The following TMEM161B variants were observed in gnomAD, a reference collection of about 807,000 sequenced individuals.
The protein encoded by TMEM161B is transmembrane protein 161B.
A neutral mutation model predicts 61.8 loss-of-function variants in TMEM161B; 34 were observed. The ratio of observed to expected loss-of-function variants is 0.55; its 90% CI spans 0.42 to 0.73. The LOEUF (loss-of-function observed/expected upper bound fraction) is 0.73, where lower values mean the gene tolerates loss of function less well. TMEM161B is among the 30% of genes least tolerant of loss of function. The pLI is 0.00. For missense variants in TMEM161B, 456 were observed against 558.5 expected, an observed-to-expected ratio of 0.82 and a Z score of 1.85; for synonymous variants, 167 against 192.8, an observed-to-expected ratio of 0.87 and a Z score of 1.11.
intron 2 of TMEM161B, among the ~76,000 whole-genome samples, chr5:88,235,380 A>C (rs1205536385): frequency 6.6e-6 from 1 of 152,212 alleles, no homozygotes; most frequent in Non-Finnish European, 1.5e-5. Flanking sequence ...ACTGCTATAG[A>C]CTGAATGTTT....
At chr5:88,234,521 T>C (rs1371323230) in intron 2 of TMEM161B, among the ~76,000 whole-genome samples, 1 of 152,194 alleles carries the variant, frequency 6.6e-6, no homozygotes, top group African/African-American at 2.4e-5. Flanking sequence ...CATAGCATGG[T>C]TCCCAGCTAC....
exon 13 of TMEM161B, chr5:88,189,817 C>T (rs1405181773): frequency 4.0e-6 from 2 of 496,334 alleles, no homozygotes; most frequent in Non-Finnish European, 3.6e-6. Context: ...TTAAATAATA[C>T]CATAGGGAGA....
intron 1 of TMEM161B, among the ~76,000 whole-genome samples, chr5:88,262,310 T>G (rs541151436): frequency 6.6e-6 from 1 of 152,342 alleles, no homozygotes; most frequent in East Asian, 1.9e-4. Flanking sequence ...GATTCATTGC[T>G]GGTAGGAATG....
intron 5 of TMEM161B, among the ~76,000 whole-genome samples, chr5:88,208,237 A>C (rs1006228982): frequency 2.0e-5 from 3 of 151,074 alleles, no homozygotes; most frequent in African/African-American, 7.3e-5. Context: ...TGATCCCAGC[A>C]CCTTGGGAGG....
At chr5:88,191,111 A>G (rs751234956), downstream of TMEM161B, among the ~76,000 whole-genome samples, 2 of 152,172 alleles carry the variant, frequency 1.3e-5, no homozygotes, top group African/African-American at 4.8e-5. Context: ...GTCTTCATCT[A>G]TGATTATTGC....
intron 5 of TMEM161B, among the ~76,000 whole-genome samples, chr5:88,219,940 G>C (rs1748607280): frequency 6.6e-6 from 1 of 151,944 alleles, no homozygotes; most frequent in African/African-American, 2.4e-5. Flanking sequence ...CAGGATATTA[G>C]CTATGCTGGA....
intron 1 of TMEM161B, among the ~76,000 whole-genome samples, chr5:88,267,905 T>G (rs1459384879): frequency 6.6e-6 from 1 of 152,208 alleles, no homozygotes; most frequent in Admixed American, 6.5e-5. Flanking sequence ...ACCTGAATTT[T>G]GTCCTTCCCT....
chr5:88,219,039 G>A (rs1336554877), intron 5 of TMEM161B, among the ~76,000 whole-genome samples: 1 of 152,136 alleles, frequency 6.6e-6, no homozygotes, highest in Admixed American at 6.5e-5. Flanking sequence ...GGGCATAGGT[G>A]CACATCAGGT....
intron 1 of TMEM161B, among the ~76,000 whole-genome samples, chr5:88,252,360 G>C (rs1754447926): frequency 6.6e-6 from 1 of 152,114 alleles, no homozygotes; most frequent in Non-Finnish European, 1.5e-5. Context: ...ATGTTTAATA[G>C]AAAGATCACC....
chr5:88,250,470 A>G (rs1754188752), intron 1 of TMEM161B, among the ~76,000 whole-genome samples: 1 of 152,176 alleles, frequency 6.6e-6, no homozygotes, highest in South Asian at 2.1e-4. Flanking sequence ...GAGGCCTCTC[A>G]GAACCAGAAT....
In TMEM161B at chr5:88,225,751, T is replaced by C; in HGVS notation, c.289+18A>G. 6.7e-7 allele frequency: 1 copy of C among 1,498,612 alleles called. No homozygotes were observed. The highest frequency in any genetic ancestry group is 9.2e-7 in the Non-Finnish European group (1 of 1,085,480). 92.8% of individuals were successfully genotyped at this position (1,498,612 alleles called of 1,614,324 possible). A position where few individuals can be genotyped will look rare whatever the true frequency, so the allele number is the denominator to read the frequency against. ...TAAAACTGAGATTTATAGAACATTT[T>C]ATCAAGATTTCCCTTACCTAAAGTA... On this transcript the variant is annotated intron_variant, in intron 4 of 11. Coordinates refer to ENST00000296595, the MANE Select transcript of TMEM161B (RefSeq NM_153354.5).
chr5:88,202,142 C>A, intron 9 of TMEM161B: 2 of 454,218 alleles, frequency 4.4e-6, no homozygotes, highest in Non-Finnish European at 8.9e-6. Flanking sequence ...GAAACAGAGG[C>A]TCAGTGAAGT....
At position 88,197,758 on chromosome 5, in the gene TMEM161B, C is replaced by T. The variant is rs762729590; in HGVS notation, c.1097G>A (p.Arg366Gln). Residue 366 changes from arginine to glutamine, a missense_variant, in exon 11 of 12, where the codon CGA (arginine) becomes CAA (glutamine). Arg to Gln is a conservative substitution (Grantham distance 43). Transcript: ENST00000296595. ...STVELQKMVA[R>Q]VFYYLCVIAL... ...AATGACACAAAGATAATAAAAGACTCGAGCCACCTGCAACCAACAACATTC... is the reference window on the plus strand; with the variant it reads ...AATGACACAAAGATAATAAAAGACTTGAGCCACCTGCAACCAACAACATTC... 8 of 1,611,724 alleles carry T rather than the reference C, an allele frequency of 5.0e-6. No individual in the cohort carries two copies. The highest frequency in any genetic ancestry group is 3.3e-5 in the Admixed American group (2 of 59,722).
intron 5 of TMEM161B, among the ~76,000 whole-genome samples, chr5:88,213,531 C>T (rs1747254340): frequency 1.3e-5 from 2 of 150,914 alleles, no homozygotes; most frequent in South Asian, 4.2e-4. Flanking sequence ...TTTCTGAAAG[C>T]ATAATATACA....
intron 5 of TMEM161B, 59 bp downstream of exon 5, chr5:88,220,504 T>C: frequency 7.8e-7 from 1 of 1,287,558 alleles, no homozygotes; most frequent in Non-Finnish European, 1.0e-6. Context: ...AAATCAGAGA[T>C]GAGATCTAAT....
At chr5:88,189,719 TG>T (rs974484624) in exon 13 of TMEM161B, 6 of 199,372 alleles carry the variant, frequency 3.0e-5, no homozygotes, top group African/African-American at 1.4e-4. Context: ...GGGGAGTGCC[TG>T]GAAGTCCCCA....
intron 2 of TMEM161B, among the ~76,000 whole-genome samples, chr5:88,234,113 T>C (rs1393105925): frequency 1.3e-5 from 2 of 152,156 alleles, no homozygotes; most frequent in Non-Finnish European, 2.9e-5. Context: ...TCTTTATTCG[T>C]TGTTGTTACT....
At chr5:88,212,946 A>G (rs1417630576) in intron 5 of TMEM161B, among the ~76,000 whole-genome samples, 1 of 152,210 alleles carries the variant, frequency 6.6e-6, no homozygotes, top group Admixed American at 6.5e-5. Context: ...ACTTTCACAA[A>G]TTTATGATTA....
intron 1 of TMEM161B, among the ~76,000 whole-genome samples, chr5:88,258,565 C>G (rs995066321): frequency 6.6e-6 from 1 of 152,006 alleles, no homozygotes; most frequent in African/African-American, 2.4e-5. Context: ...TTATGGAACA[C>G]GAATACTTAA....
Sources: allele counts gnomAD v4.1 joint callset (sites outside exome capture counted in the v4.1 genomes callset), GRCh38; gene constraint gnomAD v4.1.1; transcripts MANE v1.5; gene names NCBI Gene and HGNC (gene_info 2026-07-23, HGNC 2026-07-21).